The following SGCZ variants were observed in gnomAD, a reference collection of about 807,000 sequenced individuals.
SGCZ encodes sarcoglycan zeta.
In SGCZ, 40 loss-of-function variants were observed where a neutral mutation model predicts 41.3. That is an observed-to-expected ratio of 0.97 (90% CI 0.75 to 1.26). The LOEUF is 1.26. Among genes scored for constraint, SGCZ ranks in the 50% most tolerant of loss-of-function variants. The probability of loss-of-function intolerance (pLI) is 0.00; values close to 1 mark genes in which losing one functional copy is unlikely to be tolerated. For synonymous variants in SGCZ, 206 were observed against 137.5 expected (o/e 1.50, Z -3.49); for missense variants, 552 against 369.8 (o/e 1.49, Z -4.04).
chr8:14,535,408 A>C (rs1803263253), intron 2 of SGCZ, among the ~76,000 whole-genome samples: 2 of 151,900 alleles, frequency 1.3e-5, no homozygotes, highest in African/African-American at 4.8e-5. Flanking sequence ...AATGGGCCAT[A>C]ATAAGAAAAA....
intron 1 of SGCZ, among the ~76,000 whole-genome samples, chr8:14,978,117 T>C (rs138214061): frequency 6.6e-5 from 10 of 152,154 alleles, no homozygotes; most frequent in African/African-American, 2.2e-4. Context: ...TTCTACTCTA[T>C]GTCTTTGCAT....
At chr8:14,684,087 T>A (rs1208322682) in intron 1 of SGCZ, among the ~76,000 whole-genome samples, 2 of 152,206 alleles carry the variant, frequency 1.3e-5, no homozygotes, top group African/African-American at 4.8e-5. Context: ...CATTTTTAAA[T>A]ATATAAATTA....
chr8:14,189,611 AG>A (rs1334958273), intron 4 of SGCZ, among the ~76,000 whole-genome samples: 15 of 152,222 alleles, frequency 9.9e-5, no homozygotes, highest in Non-Finnish European at 1.5e-5. Flanking sequence ...CCGTCTGCTC[AG>A]AGAGCTCAGC....
intron 1 of SGCZ, among the ~76,000 whole-genome samples, chr8:15,097,859 T>C (rs201298179): frequency 0.081 from 348 of 4,304 alleles, 9 homozygotes; most frequent in Admixed American, 0.17. Flanking sequence ...TATATATACG[T>C]GTGTGTGTAT....
At chr8:14,498,830 G>C (rs746538941) in intron 2 of SGCZ, among the ~76,000 whole-genome samples, 1 of 151,320 alleles carries the variant, frequency 6.6e-6, no homozygotes, top group East Asian at 1.9e-4. Flanking sequence ...GCAATATTTT[G>C]CATCGACCCA....
At chr8:14,901,077 A>G (rs1178767178) in intron 1 of SGCZ, among the ~76,000 whole-genome samples, 1 of 152,202 alleles carries the variant, frequency 6.6e-6, no homozygotes, top group Non-Finnish European at 1.5e-5. Flanking sequence ...TCAAAGGAAG[A>G]GAGCTTGAAC....
At chr8:14,685,863 C>T (rs920613) in intron 1 of SGCZ, among the ~76,000 whole-genome samples, 97,426 of 151,930 alleles carry the variant, frequency 0.64, 33,866 homozygotes, top group Non-Finnish European at 0.77. Context: ...AAACCTTTCA[C>T]TGAACTAAAG....
intron 1 of SGCZ, among the ~76,000 whole-genome samples, chr8:14,597,121 T>G (rs1483105232): frequency 6.6e-6 from 1 of 152,178 alleles, no homozygotes; most frequent in Admixed American, 6.5e-5. Flanking sequence ...CTTAGATAGT[T>G]TCAACTATTG....
intron 1 of SGCZ, among the ~76,000 whole-genome samples, chr8:14,803,695 A>T (rs1477664091): frequency 2.0e-5 from 3 of 151,936 alleles, no homozygotes; most frequent in African/African-American, 7.3e-5. Context: ...TAAACAAAGC[A>T]GCCAGGAAGC....
chr8:15,129,494 T>C (rs1363899481), intron 1 of SGCZ, among the ~76,000 whole-genome samples: 1 of 152,116 alleles, frequency 6.6e-6, no homozygotes, highest in Non-Finnish European at 1.5e-5. Context: ...CCATCAAATG[T>C]CCTCTCATCT....
intron 1 of SGCZ, among the ~76,000 whole-genome samples, chr8:14,946,673 G>C (rs377504184): frequency 9.5e-6 from 1 of 105,156 alleles, no homozygotes; most frequent in African/African-American, 2.9e-5. Context: ...TTAGAAATCT[G>C]TATTTTTTTT....
chr8:14,998,855 T>C (rs1802310853), intron 1 of SGCZ, among the ~76,000 whole-genome samples: 1 of 152,202 alleles, frequency 6.6e-6, no homozygotes, highest in African/African-American at 2.4e-5. Context: ...TAAATGTCTC[T>C]ATATCATCCT....
chr8:14,581,013 T>G (rs1489009880), intron 1 of SGCZ, among the ~76,000 whole-genome samples: 1 of 152,248 alleles, frequency 6.6e-6, no homozygotes, highest in Admixed American at 6.5e-5. Context: ...TGCATTACAC[T>G]GATACAGGTA....
At chr8:14,366,238 A>T (rs1803703442) in intron 2 of SGCZ, among the ~76,000 whole-genome samples, 1 of 152,158 alleles carries the variant, frequency 6.6e-6, no homozygotes, top group Non-Finnish European at 1.5e-5. Context: ...ATGGACTCAC[A>T]TTTCTGCATT....
intron 1 of SGCZ, among the ~76,000 whole-genome samples, chr8:14,968,143 T>C (rs1413213370): frequency 1.3e-5 from 2 of 152,208 alleles, no homozygotes; most frequent in Non-Finnish European, 2.9e-5. Context: ...GACTCTAGTT[T>C]AGAGATTGAA....
intron 1 of SGCZ, among the ~76,000 whole-genome samples, chr8:14,669,579 C>T (rs1276208122): frequency 6.6e-6 from 1 of 151,842 alleles, no homozygotes. Flanking sequence ...CAGTATTTGT[C>T]TTCTTGTATC....
chr8:14,549,976 A>T (rs1052134202), intron 2 of SGCZ, among the ~76,000 whole-genome samples: 4 of 152,052 alleles, frequency 2.6e-5, no homozygotes, highest in African/African-American at 9.7e-5. Context: ...AATTGATACA[A>T]TCACACTGGG....
intron 1 of SGCZ, among the ~76,000 whole-genome samples, chr8:14,686,881 T>C (rs1808627857): frequency 6.6e-6 from 1 of 152,004 alleles, no homozygotes; most frequent in Non-Finnish European, 1.5e-5. Flanking sequence ...GCACAAGGGA[T>C]AAACGAACAA....
intron 5 of SGCZ, among the ~76,000 whole-genome samples, chr8:14,113,415 C>T (rs559650584): frequency 1.6e-4 from 25 of 151,972 alleles, no homozygotes; most frequent in Admixed American, 7.2e-4. Context: ...CAGTTGCTTA[C>T]GTTTCAGGCC....
Sources: allele counts gnomAD v4.1 joint callset (sites outside exome capture counted in the v4.1 genomes callset), GRCh38; gene constraint gnomAD v4.1.1; transcripts MANE v1.5; gene names NCBI Gene and HGNC (gene_info 2026-07-23, HGNC 2026-07-21).